NRXN2: variants seen among roughly 807,000 people sequenced by gnomAD.
NRXN2 encodes neurexin-2-beta.
In NRXN2, 29 loss-of-function variants were observed where a neutral mutation model predicts 128.8. That is an observed-to-expected ratio of 0.23 (90% CI 0.17 to 0.31). NRXN2 has a LOEUF of 0.31. Ranked by LOEUF, NRXN2 falls within the 10% of genes least tolerant of loss-of-function variation. The pLI is 1.00. For missense variants in NRXN2, 1,881 were observed against 2,452.6 expected (o/e 0.77, Z 4.92); for synonymous variants, 1,098 against 1,075.2 (o/e 1.02, Z -0.41).
chr11:64,710,264 C>A (rs547082263), intron 2 of NRXN2, among the ~76,000 whole-genome samples: 1 of 152,202 alleles, frequency 6.6e-6, no homozygotes, highest in African/African-American at 2.4e-5. Context: ...CACACACACA[C>A]AATGGGTCAG....
intron 14 of NRXN2, 46 bp from the exon 15 acceptor site, chr11:64,650,684 G>T: frequency 6.3e-7 from 1 of 1,582,002 alleles, no homozygotes. Context: ...CGGGGGTGAT[G>T]CTGGGAAGGT....
At chr11:64,705,324 G>A (rs2056115651) in intron 2 of NRXN2, among the ~76,000 whole-genome samples, 1 of 152,132 alleles carries the variant, frequency 6.6e-6, no homozygotes, top group African/African-American at 2.4e-5. Context: ...ACATCTCTGA[G>A]CCTCTCTTTG....
At chr11:64,688,498 G>A (rs1053235591) in intron 5 of NRXN2, 63 of 985,320 alleles carry the variant, frequency 6.4e-5, no homozygotes, top group Non-Finnish European at 7.0e-5. Context: ...CTACTGGGGT[G>A]AGCCTGTAGG....
rs1381945805 is a variant in NRXN2, at chr11:64,607,006, C to T, written c.*190G>A. 41 of 631,290 alleles carry T rather than the reference C, an allele frequency of 6.5e-5. No homozygotes were observed. In the East Asian group the frequency reaches 1.1e-3, roughly 16 times the overall value. 39.1% of individuals were successfully genotyped at this position (631,290 alleles called of 1,614,324 possible). On this transcript the variant is annotated 3_prime_UTR_variant, in exon 23 of 23. Transcript: ENST00000265459. ...GTCAGCCCCGGGACTGACGAGGCCG[C>T]GCAGTGGACGGCAGGAGGAAGGGGG...
Position 64,607,393 on chromosome 11 carries a change from G to C in NRXN2, c.4942C>G (p.Leu1648Val), listed in dbSNP as rs745461917. 14 of 1,612,828 alleles carry C rather than the reference G, an allele frequency of 8.7e-6. No individual in the cohort carries two copies. The highest frequency in any genetic ancestry group is 1.1e-5 in the Non-Finnish European group (13 of 1,179,848). ...GCGTAGAGGAGGATGAGGATGCAGA[G>C]CGCCGCCGCCGCCACAATGCCCACC... is the stretch of plus-strand genomic sequence containing the variant. ...MVVGIVAAAA[L>V]CILILLYAMY... The change falls in exon 23 of 23, where the codon CTC becomes GTC. Residue 1648 changes from leucine (L) to valine (V), a missense_variant. Physicochemically the swap from Leu to Val is conservative, Grantham distance 32 (BLOSUM62 1). Around this residue, in one of 7 missense-constraint regions of NRXN2, gnomAD observed 11 missense variants for 31.3 expected, o/e 0.35. Coordinates refer to ENST00000265459, the MANE Select transcript of NRXN2 (RefSeq NM_015080.4).
intron 7 of NRXN2, among the ~76,000 whole-genome samples, chr11:64,674,562 C>A (rs1328336573): frequency 6.6e-6 from 1 of 152,186 alleles, no homozygotes; most frequent in Non-Finnish European, 1.5e-5. Flanking sequence ...GTTGTTGCTT[C>A]TTAACCAATT....
At chr11:64,715,074 G>A (rs3809076) in intron 1 of NRXN2, among the ~76,000 whole-genome samples, 19,836 of 152,054 alleles carry the variant, frequency 0.13, 1,568 homozygotes, top group East Asian at 0.3. Context: ...GAGAGGAAGC[G>A]CCTGGAAAGT....
intron 17 of NRXN2, among the ~76,000 whole-genome samples, chr11:64,641,448 G>A (rs1042645959): frequency 2.0e-5 from 3 of 152,038 alleles, no homozygotes. Flanking sequence ...GGAAAGTGAT[G>A]GGGCTGACAT....
At position 64,660,246 on chromosome 11, in the gene NRXN2, C is replaced by G; in HGVS notation, c.2389+86G>C. ...TGCTGAGGGCACCTCTTGCTGGTGC[C>G]ACCACCAGCTTCTCCAGACAGAGGC... On this transcript the variant is annotated intron_variant, in intron 11 of 22. Transcript: ENST00000265459. The surrounding 1 kb of genome is among the most constrained non-coding windows in gnomAD (Gnocchi z 5.2). The G allele has an allele frequency of 1.4e-6, 2 of 1,477,586 alleles. No homozygotes were observed. The highest frequency in any genetic ancestry group is 1.9e-6 in the Non-Finnish European group (2 of 1,058,322). 91.5% of individuals were successfully genotyped at this position (1,477,586 alleles called of 1,614,324 possible). A position where few individuals can be genotyped will look rare whatever the true frequency, so the allele number is the denominator to read the frequency against.
intron 5 of NRXN2, chr11:64,688,603 G>A (rs3862373): frequency 0.052 from 51,069 of 985,314 alleles, 1,456 homozygotes; most frequent in Non-Finnish European, 0.057. Context: ...CCGGTCTGGC[G>A]CGACTGGGAA....
intron 11 of NRXN2, chr11:64,659,624 T>A (rs2048742107): frequency 6.5e-6 from 1 of 152,962 alleles, no homozygotes; most frequent in South Asian, 2.1e-4. Context: ...GGCTCCTCCC[T>A]CTGCCTTCAC....
intron 3 of NRXN2, among the ~76,000 whole-genome samples, chr11:64,696,548 C>CAG (rs2054569787): frequency 6.6e-6 from 1 of 150,836 alleles, no homozygotes; most frequent in Non-Finnish European, 1.5e-5. Context: ...CACACACACA[C>CAG]ACACACACAC....
intron 22 of NRXN2, among the ~76,000 whole-genome samples, chr11:64,616,027 CTG>C (rs2041454482): frequency 6.6e-6 from 1 of 152,050 alleles, no homozygotes; most frequent in Non-Finnish European, 1.5e-5. Context: ...AGCACATTGA[CTG>C]TGCATGGAAG....
chr11:64,689,982 G>T (rs905915670), intron 5 of NRXN2, among the ~76,000 whole-genome samples: 1 of 152,182 alleles, frequency 6.6e-6, no homozygotes, highest in Admixed American at 6.5e-5. Flanking sequence ...CCCCAAGCAG[G>T]CTTAAAGGCC....
chr11:64,690,100 C>G (rs772601540), intron 5 of NRXN2, among the ~76,000 whole-genome samples: 5 of 152,176 alleles, frequency 3.3e-5, no homozygotes, highest in African/African-American at 4.8e-5. Flanking sequence ...GTTGCCTTAA[C>G]AAAGAAACAG....
Position 64,630,156 on chromosome 11 carries a change from C to G in NRXN2, c.3757+246G>C, listed in dbSNP as rs1396909013. The stretch of plus-strand genomic sequence containing the variant: ...GCAACCTTCCCAGCTCAGCCCTGCA[C>G]CCTCCCCCATAGGGGGCGCATTCGC... On this transcript the variant is annotated intron_variant, in intron 19 of 22. Transcript: ENST00000265459. The surrounding 1 kb of genome is among the most constrained non-coding windows in gnomAD (Gnocchi z 4.6). 1.3e-5 allele frequency among the ~76,000 whole-genome samples: 2 copies of G among 151,986 alleles called. No individual in the cohort carries two copies. Among genetic ancestry groups the G allele is most frequent in the Non-Finnish European group, 2.9e-5 (2 of 67,956 alleles).
At chr11:64,680,594 T>C (rs901905472) in intron 6 of NRXN2, among the ~76,000 whole-genome samples, 1 of 152,190 alleles carries the variant, frequency 6.6e-6, no homozygotes, top group African/African-American at 2.4e-5. Context: ...CTGCATCTTG[T>C]TTTTCTCATC....
rs1285931234 is a variant in NRXN2, at chr11:64,650,505, T to C, written c.3052A>G (p.Ile1018Val). Residue 1018 changes from isoleucine (I) to valine (V), a missense_variant, in exon 15 of 23, where the codon ATT (isoleucine) becomes GTT (valine). By Grantham distance (29) the Ile-to-Val change is conservative (BLOSUM62 3). Around this residue, in one of 7 missense-constraint regions of NRXN2, gnomAD observed 390 missense variants for 599.6 expected, o/e 0.65. Coordinates refer to ENST00000265459, the MANE Select transcript of NRXN2 (RefSeq NM_015080.4). ...RDPGNVHTLK[I>V]DSRTVTQHSN... ...TGCTGCGTGACAGTGCGGGAGTCAATCTTGAGCGTGTGCACGTTGCCTGGG... is the reference window on the plus strand; with the variant it reads ...TGCTGCGTGACAGTGCGGGAGTCAACCTTGAGCGTGTGCACGTTGCCTGGG... The C allele has an allele frequency of 6.2e-7, 1 of 1,614,076 alleles. No homozygotes were observed. Among genetic ancestry groups the C allele is most frequent in the Non-Finnish European group, 8.5e-7 (1 of 1,180,004 alleles).
chr11:64,668,451 G>A lies in NRXN2; in HGVS notation c.1351C>T (p.Leu451Phe), dbSNP rs2050190169. The A allele has an allele frequency of 6.2e-7, 1 of 1,613,852 alleles. No homozygotes were observed. The highest frequency in any genetic ancestry group is 1.7e-5 in the Admixed American group (1 of 60,024). Reference protein sequence around the residue: ...SPVSNNFMGCLKDVVYKNNDF... With the variant: ...SPVSNNFMGCFKDVVYKNNDF... ...TCCCTAGCCCTACTCACGTCCTTGA[G>A]GCAGCCCATGAAGTTGTTGCTGACG... Residue 451 changes from leucine (L) to phenylalanine (F), a missense_variant, in exon 8 of 23, where the codon CTC becomes TTC. Coordinates refer to ENST00000265459, the MANE Select transcript of NRXN2 (RefSeq NM_015080.4).
Sources: gnomAD v4.1 joint callset for allele counts (sites outside exome capture counted in the v4.1 genomes callset) on GRCh38, gnomAD v4.1.1 for gene constraint, gnomAD v4.1.1 regional missense constraint, Gnocchi (gnomAD v3.1) non-coding constraint, MANE v1.5 for transcripts, NCBI Gene and HGNC (gene_info 2026-07-23, HGNC 2026-07-21) for gene names.